Variants in FREM1 observed in about 807,000 individuals in gnomAD.
The protein encoded by FREM1 is FRAS1-related extracellular matrix protein 1.
FREM1 carries 220 observed loss-of-function variants against 210.1 expected under a neutral mutation model. The observed-to-expected ratio is 1.05, with a 90% CI of 0.94 to 1.17. The LOEUF (loss-of-function observed/expected upper bound fraction) is 1.17, where lower values mean the gene tolerates loss of function less well. FREM1 is among the 50% of genes most tolerant of loss of function. The pLI is 0.00. For synonymous variants in FREM1, 1,189 were observed against 980.2 expected (o/e 1.21, Z -3.98); for missense variants, 3,454 against 2,675.5 (o/e 1.29, Z -6.42).
intron 35 of FREM1, among the ~76,000 whole-genome samples, 155 bp from the exon 36 acceptor site, chr9:14,740,389 A>G (rs1410608320): frequency 1.3e-5 from 2 of 152,234 alleles, no homozygotes; most frequent in Non-Finnish European, 2.9e-5. Context: ...TTTTATTTAA[A>G]AAGTATCTGC....
At chr9:14,816,327 C>A (rs553878987) in intron 15 of FREM1, among the ~76,000 whole-genome samples, 1 of 152,228 alleles carries the variant, frequency 6.6e-6, no homozygotes, top group African/African-American at 2.4e-5. Flanking sequence ...ATACAAGGAT[C>A]GAAGCAGGTA....
chr9:14,847,255 G>A, intron 7 of FREM1, among the ~76,000 whole-genome samples: 1 of 151,990 alleles, frequency 6.6e-6, no homozygotes. Context: ...TTGTAAAGCT[G>A]TGACACCAGC....
In FREM1 at chr9:14,770,599, C is replaced by T. The variant is rs1252915977; in HGVS notation, c.5059+6G>A. The T allele has an allele frequency of 1.2e-6, 2 of 1,604,428 alleles. No homozygotes were observed. Among genetic ancestry groups the T allele is most frequent in the African/African-American group, 2.7e-5 (2 of 74,710 alleles). On this transcript the variant is annotated splice_donor_region_variant and intron_variant, in intron 26 of 36. Coordinates refer to ENST00000380880, the MANE Select transcript of FREM1 (RefSeq NM_001379081.2). Reference sequence around the variant, plus strand: ...TGGCAATTGTAAGGATTAAGGAGGCCAGTACCTGTTGTTGTGTTCTCCAGA... The same window carrying T: ...TGGCAATTGTAAGGATTAAGGAGGCTAGTACCTGTTGTTGTGTTCTCCAGA...
intron 10 of FREM1, among the ~76,000 whole-genome samples, chr9:14,830,859 T>C (rs1360654115): frequency 6.6e-6 from 1 of 152,220 alleles, no homozygotes; most frequent in Admixed American, 6.5e-5. Context: ...CCTTCCTTCA[T>C]CAGAGTGGCG....
intron 10 of FREM1, among the ~76,000 whole-genome samples, chr9:14,829,057 T>G (rs1468824109): frequency 1.3e-5 from 2 of 152,220 alleles, no homozygotes. Context: ...GTCTGGCACA[T>G]AGTAGGTGCC....
At chr9:14,860,350 T>C (rs1829578810) in intron 3 of FREM1, among the ~76,000 whole-genome samples, 1 of 151,888 alleles carries the variant, frequency 6.6e-6, no homozygotes, top group South Asian at 2.1e-4. Context: ...GAATATTTTA[T>C]TTCAAATGTG....
chr9:14,871,789 G>A (rs188747069), intron 1 of FREM1, among the ~76,000 whole-genome samples: 2 of 151,584 alleles, frequency 1.3e-5, no homozygotes, highest in East Asian at 1.9e-4. Context: ...CGGTTTTTAC[G>A]GTTTTAGGTC....
At chr9:14,795,606 A>T (rs1852224590) in intron 21 of FREM1, among the ~76,000 whole-genome samples, 2 of 152,198 alleles carry the variant, frequency 1.3e-5, no homozygotes, top group Admixed American at 6.5e-5. Flanking sequence ...AGCAGGGTTG[A>T]AGGAGGTTTG....
chr9:14,841,249 A>G (rs1332359420), intron 10 of FREM1, among the ~76,000 whole-genome samples, 198 bp downstream of exon 10: 2 of 152,260 alleles, frequency 1.3e-5, no homozygotes, highest in African/African-American at 4.8e-5. Context: ...CACTGAATAC[A>G]TAGATATCTA....
intron 29 of FREM1, among the ~76,000 whole-genome samples, chr9:14,752,398 G>A (rs959965301): frequency 6.6e-6 from 1 of 152,114 alleles, no homozygotes; most frequent in Admixed American, 6.5e-5. Flanking sequence ...GGAATAGAGA[G>A]GTTACATGGG....
intron 36 of FREM1, among the ~76,000 whole-genome samples, chr9:14,739,129 G>T (rs1037700125): frequency 6.6e-6 from 1 of 151,524 alleles, no homozygotes; most frequent in East Asian, 1.9e-4. Context: ...TTTGAGACAG[G>T]GTCTTGCTCT....
intron 7 of FREM1, among the ~76,000 whole-genome samples, chr9:14,847,989 T>C (rs1378213131): frequency 2.6e-5 from 4 of 152,224 alleles, no homozygotes; most frequent in African/African-American, 4.8e-5. Flanking sequence ...CACATATCTA[T>C]GTGTACACAC....
Position 14,770,797 on chromosome 9 carries a change from A to G in FREM1, c.4867T>C (p.Leu1623=), listed in dbSNP as rs369101934. 235 of 1,611,244 alleles carry G rather than the reference A, an allele frequency of 1.5e-4. No individual in the cohort carries two copies. In the African/African-American group the frequency reaches 1.9e-3, roughly 13 times the overall value. Residue 1623 remains leucine, a synonymous_variant, in exon 26 of 37, where the codon TTG becomes CTG. Transcript: ENST00000380880. ...PVLFTIQVDQ[L]DKTAPRITLL... ...GTGATACGAGGAGCTGTTTTGTCCA[A>G]TTGGTCTACCTGGATCATCAACAAT... is the stretch of plus-strand genomic sequence containing the variant.
chr9:14,881,414 A>G (rs1172165202), intron 1 of FREM1, among the ~76,000 whole-genome samples: 1 of 152,198 alleles, frequency 6.6e-6, no homozygotes, highest in Non-Finnish European at 1.5e-5. Flanking sequence ...AAAAAAAGCT[A>G]TCTTGGAGGC....
intron 10 of FREM1, among the ~76,000 whole-genome samples, chr9:14,838,563 A>G (rs1825055495): frequency 6.6e-6 from 1 of 152,074 alleles, no homozygotes; most frequent in Non-Finnish European, 1.5e-5. Flanking sequence ...AGAAACTCTG[A>G]ATAAAGCTTT....
At position 14,801,775 on chromosome 9, in the gene FREM1, G is replaced by C; in HGVS notation, c.3571C>G (p.Pro1191Ala). The C allele has an allele frequency of 6.2e-7, 1 of 1,613,924 alleles. No individual in the cohort carries two copies. The highest frequency in any genetic ancestry group is 2.2e-5 in the East Asian group (1 of 44,872). The change falls in exon 20 of 37, where the codon CCA becomes GCA. Residue 1191 changes from proline to alanine, a missense_variant. By Grantham distance (27) the Pro-to-Ala change is conservative. Transcript: ENST00000380880. ...CTATCGATGAGGAGGCCATGGCGTG[G>C]CTTTTGAGTGATGCTGAACAGCAGG... The part of the protein sequence containing the change: ...DALLFSITQK[P>A]RHGLLIDRGF...
intron 8 of FREM1, among the ~76,000 whole-genome samples, chr9:14,843,096 C>T (rs1825968190): frequency 6.6e-6 from 1 of 152,182 alleles, no homozygotes; most frequent in Non-Finnish European, 1.5e-5. Flanking sequence ...TCATCCAATC[C>T]ATTGATAGAC....
chr9:14,869,276 G>C, intron 1 of FREM1, 32 bp from the exon 2 acceptor site: 1 of 310,650 alleles, frequency 3.2e-6, no homozygotes, highest in South Asian at 1.0e-4. Flanking sequence ...GGAGTAAAGC[G>C]AGAGAGAGAC....
intron 13 of FREM1, 102 bp from the exon 14 acceptor site, chr9:14,819,544 G>T (rs1820899756): frequency 3.1e-6 from 2 of 635,974 alleles, no homozygotes. Flanking sequence ...ATCTTCACAT[G>T]CAAACTAATT....
Sources: allele counts gnomAD v4.1 joint callset (sites outside exome capture counted in the v4.1 genomes callset), GRCh38; gene constraint gnomAD v4.1.1; transcripts MANE v1.5; gene names NCBI Gene and HGNC (gene_info 2026-07-23, HGNC 2026-07-21).